The following ERG variants were observed in gnomAD, a reference collection of about 807,000 sequenced individuals.
ERG encodes the protein ETS transcription factor ERG.
A neutral mutation model predicts 55.3 loss-of-function variants in ERG; 9 were observed. The observed-to-expected ratio is 0.16, with a 90% CI of 0.10 to 0.28. ERG has a LOEUF of 0.28. ERG is among the 10% of genes least tolerant of loss of function. The probability of loss-of-function intolerance (pLI) is 1.00; values close to 1 mark genes in which losing one functional copy is unlikely to be tolerated. For synonymous variants in ERG, 223 were observed against 237.3 expected, an observed-to-expected ratio of 0.94 and a Z score of 0.55; for missense variants, 434 against 631.6, an observed-to-expected ratio of 0.69 and a Z score of 3.35.
At chr21:38,646,108 GTC>G (rs1026196269) in intron 1 of ERG, among the ~76,000 whole-genome samples, 82 of 152,102 alleles carry the variant, frequency 5.4e-4, no homozygotes, top group African/African-American at 2.0e-3. Flanking sequence ...ACGAAACCCT[GTC>G]TCTACTAAAA....
In ERG at chr21:38,380,797, T is replaced by C; in HGVS notation, c.*2606A>G. ...ATCTAATGGAAAACATCTGTTAAAA[T>C]TGAATATGATAATCATGTCTTGTTT... On this transcript the variant is annotated 3_prime_UTR_variant, in exon 10 of 10. Transcript: ENST00000288319. 9.6e-7 allele frequency: 1 copy of C among 1,046,946 alleles called. No individual in the cohort carries two copies. Among genetic ancestry groups the C allele is most frequent in the East Asian group, 5.2e-5 (1 of 19,050 alleles). The allele number at this position is 1,046,946 out of a possible 1,614,324, so 64.9% of individuals were successfully genotyped here. A position where few individuals can be genotyped will look rare whatever the true frequency, so the allele number is the denominator to read the frequency against.
chr21:38,382,218 TA>T lies in ERG; in HGVS notation c.*1184del, dbSNP rs970225997. 1 of 1,047,142 alleles carries T rather than the reference TA, an allele frequency of 9.5e-7. No individual in the cohort carries two copies. Among genetic ancestry groups the T allele is most frequent in the African/African-American group, 1.7e-5 (1 of 60,084 alleles). 64.9% of individuals were successfully genotyped at this position (1,047,142 alleles called of 1,614,324 possible). ...GTAGTGTATAAATGCATAAGTTATA[TA>T]ATTATTATATAAAAAGGGGGAAAAA... is the stretch of plus-strand genomic sequence containing the variant. On this transcript the variant is annotated 3_prime_UTR_variant, in exon 10 of 10. Coordinates refer to ENST00000288319, the MANE Select transcript of ERG (RefSeq NM_182918.4).
At chr21:38,486,003 A>C (rs1395278282) in intron 1 of ERG, among the ~76,000 whole-genome samples, 1 of 151,920 alleles carries the variant, frequency 6.6e-6, no homozygotes. Flanking sequence ...GCATGATCTC[A>C]GCTCACAGCA....
chr21:38,462,012 C>T (rs978515486), intron 1 of ERG, among the ~76,000 whole-genome samples: 10 of 151,434 alleles, frequency 6.6e-5, no homozygotes, highest in Admixed American at 3.3e-4. Flanking sequence ...GACGGAGTCT[C>T]GCCCTGTTGC....
intron 1 of ERG, among the ~76,000 whole-genome samples, chr21:38,616,163 G>T (rs1221748446): frequency 6.6e-6 from 1 of 152,130 alleles, no homozygotes; most frequent in East Asian, 1.9e-4. Flanking sequence ...CTGCCGCCTT[G>T]TGAAGAAGGT....
intron 2 of ERG, among the ~76,000 whole-genome samples, chr21:38,428,217 A>G (rs1174624302): frequency 2.6e-5 from 4 of 151,970 alleles, no homozygotes; most frequent in African/African-American, 4.8e-5. Context: ...AGAAAAGGAA[A>G]TTTTATCACA....
chr21:38,477,894 CAT>C (rs1348137147), intron 1 of ERG, among the ~76,000 whole-genome samples: 1 of 152,182 alleles, frequency 6.6e-6, no homozygotes, highest in East Asian at 1.9e-4. Flanking sequence ...AAAAGGAAAA[CAT>C]ATATTTAGCA....
the ERG span, chr21:38,367,785 G>A: frequency 2.5e-6 from 1 of 402,650 alleles, no homozygotes; most frequent in Non-Finnish European, 4.9e-6. Flanking sequence ...TTTGGCAGAG[G>A]AAGCAAACCT....
intron 2 of ERG, among the ~76,000 whole-genome samples, chr21:38,569,296 C>A (rs181420134): frequency 7.0e-4 from 106 of 152,368 alleles, no homozygotes; most frequent in Non-Finnish European, 1.3e-3. Context: ...GAAAAACTCA[C>A]AAAGCCAAGG....
At chr21:38,603,482 G>A (rs2060177116) in intron 1 of ERG, among the ~76,000 whole-genome samples, 1 of 151,982 alleles carries the variant, frequency 6.6e-6, no homozygotes, top group African/African-American at 2.4e-5. Flanking sequence ...AGCTAGGCGT[G>A]GTGGTGCGCA....
chr21:38,390,960 A>G, intron 9 of ERG, 35 bp downstream of exon 9: 1 of 1,586,606 alleles, frequency 6.3e-7, no homozygotes, highest in African/African-American at 1.3e-5. Context: ...CCAAAAAGTA[A>G]TTTTGTAAGA....
At chr21:38,408,182 C>T (rs1988862615) in intron 3 of ERG, among the ~76,000 whole-genome samples, 1 of 152,188 alleles carries the variant, frequency 6.6e-6, no homozygotes, top group African/African-American at 2.4e-5. Flanking sequence ...TTCCTTTTCT[C>T]CTGAGCACTC....
intron 9 of ERG, among the ~76,000 whole-genome samples, chr21:38,388,965 C>T (rs1239698474): frequency 2.6e-5 from 4 of 152,226 alleles, no homozygotes; most frequent in African/African-American, 7.2e-5. Context: ...ACAACGTGGT[C>T]ATGGACATAT....
At chr21:38,415,642 A>T (rs1245835507) in intron 3 of ERG, among the ~76,000 whole-genome samples, 1 of 152,130 alleles carries the variant, frequency 6.6e-6, no homozygotes, top group Non-Finnish European at 1.5e-5. Context: ...AAGTCATTTC[A>T]CCAGCAGGTT....
At chr21:38,540,203 A>G (rs920602888) in intron 2 of ERG, among the ~76,000 whole-genome samples, 2 of 152,184 alleles carry the variant, frequency 1.3e-5, no homozygotes, top group African/African-American at 4.8e-5. Flanking sequence ...TAAAAGAAAA[A>G]AAATATTCAA....
rs537758479 is a variant in ERG, at chr21:38,568,256, TTAA to T, written c.-41+7403_-41+7405del. Among the ~76,000 whole-genome samples the T allele has an allele frequency of 1.2e-3, 186 of 152,190 alleles. 2 individuals are homozygous for T. Among genetic ancestry groups the T allele is most frequent in the African/African-American group, 4.2e-3 (176 of 41,544 alleles). ...TAATATGCTATATTGTTTAAAAATA[TTAA>T]TGTTATATAATTAACATGGTGTGCA... On this transcript the variant is annotated intron_variant, in intron 2 of 8. Transcript: ENST00000398897.
intron 2 of ERG, among the ~76,000 whole-genome samples, chr21:38,575,156 T>A (rs2059987131): frequency 6.6e-6 from 1 of 152,132 alleles, no homozygotes; most frequent in Non-Finnish European, 1.5e-5. Context: ...CGAGCCCAGA[T>A]AAAACAACGT....
At chr21:38,505,542 G>T (rs907204630) in intron 2 of ERG, among the ~76,000 whole-genome samples, 9 of 152,182 alleles carry the variant, frequency 5.9e-5, no homozygotes, top group Admixed American at 5.9e-4. Context: ...GTCATCTGAT[G>T]CCCACACAGA....
chr21:38,554,652 T>C (rs937290349), intron 2 of ERG, among the ~76,000 whole-genome samples: 1 of 152,054 alleles, frequency 6.6e-6, no homozygotes, highest in African/African-American at 2.4e-5. Flanking sequence ...AATGGAATGA[T>C]AGACACCAGG....
Sources: allele counts gnomAD v4.1 joint callset (sites outside exome capture counted in the v4.1 genomes callset), GRCh38; gene constraint gnomAD v4.1.1; transcripts MANE v1.5; gene names NCBI Gene and HGNC (gene_info 2026-07-23, HGNC 2026-07-21).